Variants in FRMD5 observed in about 807,000 individuals in gnomAD.
FRMD5 encodes FERM domain containing 5, also known as FERM domain-containing protein 5.
In FRMD5, 20 loss-of-function variants were observed where a neutral mutation model predicts 69.0. That is an observed-to-expected ratio of 0.29 (90% confidence interval 0.20 to 0.42). The LOEUF (loss-of-function observed/expected upper bound fraction) is 0.42. FRMD5 is among the 10% of genes least tolerant of loss of function. The probability of loss-of-function intolerance (pLI) is 1.00; values close to 1 mark genes in which losing one functional copy is unlikely to be tolerated. For missense variants in FRMD5, 595 were observed against 708.6 expected, an observed-to-expected ratio of 0.84 and a Z score of 1.82; for synonymous variants, 271 against 260.1, an observed-to-expected ratio of 1.04 and a Z score of -0.40.
rs554684164 is a variant in FRMD5 at position 44,005,362 on chromosome 15, T to C, written c.103-81053A>G. ...GGCATGTGCCTGTAATCCCAGCTAC[T>C]CGGGATGCTGAGGCAGGAGAATCAC... On this transcript the variant is annotated intron_variant, in intron 1 of 13. Transcript: ENST00000417257. 4.0e-5 allele frequency among the ~76,000 whole-genome samples: 6 copies of C among 149,370 alleles called. No individual in the cohort carries two copies. The South Asian group carries it at 1.3e-3, about 31-fold the overall frequency.
chr15:44,161,668 T>C (rs2077617874), intron 1 of FRMD5, among the ~76,000 whole-genome samples: 1 of 152,212 alleles, frequency 6.6e-6, no homozygotes, highest in African/African-American at 2.4e-5. Context: ...TGTAGTGGGA[T>C]GGCATATGGT....
At chr15:43,958,643 A>C (rs865833715) in intron 1 of FRMD5, among the ~76,000 whole-genome samples, 2 of 152,060 alleles carry the variant, frequency 1.3e-5, no homozygotes, top group African/African-American at 4.8e-5. Flanking sequence ...CATGTTGTCC[A>C]AGTTGGTCTC....
At chr15:43,901,933 GCTTTGGATTTGTTATTTAGATTGA>G (rs1197816338) in intron 7 of FRMD5, 111 of 488,754 alleles carry the variant, frequency 2.3e-4, no homozygotes, top group African/African-American at 1.9e-3. Flanking sequence ...CGGGGCCCTA[GCTTTGGATTTGTTATTTAGATTGA>G]CTTTGCCTCG....
intron 1 of FRMD5, among the ~76,000 whole-genome samples, chr15:43,927,035 C>A (rs2089597040): frequency 6.6e-6 from 1 of 151,682 alleles, no homozygotes. Context: ...AATATTCCAC[C>A]CCTTGGTTAA....
intron 1 of FRMD5, among the ~76,000 whole-genome samples, chr15:44,110,997 C>T (rs536628883): frequency 6.6e-6 from 1 of 152,300 alleles, no homozygotes; most frequent in African/African-American, 2.4e-5. Flanking sequence ...TATAATGCTA[C>T]TTCCAAAGGA....
At chr15:44,101,983 T>C (rs573878926) in intron 1 of FRMD5, among the ~76,000 whole-genome samples, 1 of 152,342 alleles carries the variant, frequency 6.6e-6, no homozygotes, top group East Asian at 1.9e-4. Context: ...CTTTGGACTA[T>C]TGACTAGTTG....
chr15:43,962,365 T>G (rs1458047271), intron 1 of FRMD5, among the ~76,000 whole-genome samples: 1 of 152,176 alleles, frequency 6.6e-6, no homozygotes, highest in Non-Finnish European at 1.5e-5. Context: ...GAAGGACCTC[T>G]TCAAGGAGAA....
intron 1 of FRMD5, among the ~76,000 whole-genome samples, chr15:44,057,596 G>T (rs560159932): frequency 6.6e-6 from 1 of 151,962 alleles, no homozygotes; most frequent in Non-Finnish European, 1.5e-5. Flanking sequence ...TTCTGAAATT[G>T]TACCACCAAA....
chr15:44,182,867 C>T (rs1385018403), intron 1 of FRMD5, among the ~76,000 whole-genome samples: 1 of 152,146 alleles, frequency 6.6e-6, no homozygotes, highest in Non-Finnish European at 1.5e-5. Flanking sequence ...ATGATCTCGG[C>T]TCACTGCAAG....
rs545610032 is a variant in FRMD5, at chr15:44,063,660, T to C, written c.102+131293A>G. ...ACATGGTCTACATGTTCTAGTATGA[T>C]TCCACCCATAGCAAGTTCCACAGCA... On this transcript the variant is annotated intron_variant, in intron 1 of 13. Coordinates refer to ENST00000417257, the MANE Select transcript of FRMD5 (RefSeq NM_032892.5). 2.8e-5 allele frequency: 12 copies of C among 435,792 alleles called. 1 individual carries two copies. Among genetic ancestry groups the C allele is most frequent in the South Asian group, 2.0e-4 (11 of 54,728 alleles). The allele number at this position is 435,792 out of a possible 1,614,324, so 27.0% of individuals were successfully genotyped here. A position where few individuals can be genotyped will look rare whatever the true frequency, so the allele number is the denominator to read the frequency against.
intron 1 of FRMD5, chr15:43,990,178 CATCCAT>C: frequency 1.9e-6 from 1 of 539,200 alleles, no homozygotes; most frequent in South Asian, 1.7e-5. Flanking sequence ...GTGATATCAT[CATCCAT>C]GGTGAGCTGG....
intron 1 of FRMD5, among the ~76,000 whole-genome samples, chr15:44,056,940 C>A (rs1283741565): frequency 6.6e-6 from 1 of 152,124 alleles, no homozygotes; most frequent in African/African-American, 2.4e-5. Context: ...CTTATGGATT[C>A]TCCTACCACT....
intron 1 of FRMD5, among the ~76,000 whole-genome samples, chr15:43,941,223 C>T (rs942906001): frequency 6.6e-6 from 1 of 152,126 alleles, no homozygotes; most frequent in East Asian, 1.9e-4. Flanking sequence ...AAAAAATTAG[C>T]CAGGTGTGGT....
intron 1 of FRMD5, among the ~76,000 whole-genome samples, chr15:44,091,858 C>G (rs139179936): frequency 1.2e-4 from 18 of 152,164 alleles, no homozygotes; most frequent in African/African-American, 1.7e-4. Context: ...CTACTCTCCT[C>G]TCTCCCTGCT....
At chr15:43,875,821 TTTTTTTC>T in intron 13 of FRMD5, 2 of 381,338 alleles carry the variant, frequency 5.2e-6, no homozygotes, top group Non-Finnish European at 9.7e-6. Context: ...TTTTTTTTTT[TTTTTTTC>T]TTTCAGTCTT....
At chr15:44,051,949 T>C (rs910597046) in intron 1 of FRMD5, among the ~76,000 whole-genome samples, 1 of 152,170 alleles carries the variant, frequency 6.6e-6, no homozygotes, top group African/African-American at 2.4e-5. Flanking sequence ...TAAGGCAATG[T>C]CTGTCAGAAT....
At chr15:44,109,377 T>C (rs2076765342) in intron 1 of FRMD5, among the ~76,000 whole-genome samples, 1 of 152,216 alleles carries the variant, frequency 6.6e-6, no homozygotes, top group African/African-American at 2.4e-5. Flanking sequence ...ACAGAATATT[T>C]TCCCATTTAA....
intron 1 of FRMD5, among the ~76,000 whole-genome samples, chr15:44,184,982 A>G (rs1001596744): frequency 1.3e-5 from 2 of 152,250 alleles, no homozygotes; most frequent in South Asian, 2.1e-4. Flanking sequence ...AATATGGGTA[A>G]TATCTCCTTA....
At chr15:44,128,513 C>A (rs1037083625) in intron 1 of FRMD5, among the ~76,000 whole-genome samples, 1 of 152,000 alleles carries the variant, frequency 6.6e-6, no homozygotes, top group African/African-American at 2.4e-5. Context: ...TTAAGTTTCA[C>A]AAAGTAGTAT....
Sources: allele counts gnomAD v4.1 joint callset (sites outside exome capture counted in the v4.1 genomes callset), GRCh38; gene constraint gnomAD v4.1.1; transcripts MANE v1.5; gene names NCBI Gene and HGNC (gene_info 2026-07-23, HGNC 2026-07-21).